The following MIB1 variants were observed in gnomAD, a reference collection of about 807,000 sequenced individuals.
MIB1 encodes the protein MIB E3 ubiquitin protein ligase 1.
In MIB1, 278 loss-of-function variants were observed where a neutral mutation model predicts 124.5. The ratio of observed to expected loss-of-function variants is 2.23; its 90% CI spans 2.02 to 2.47. MIB1 has a LOEUF of 2.47. MIB1 is among the 30% of genes most tolerant of loss of function. The pLI, the probability that MIB1 is intolerant of heterozygous loss-of-function variation, is 0.00. For missense variants in MIB1, 957 were observed against 1,254.4 expected, an observed-to-expected ratio of 0.76 and a Z score of 3.58; for synonymous variants, 446 against 429.4, an observed-to-expected ratio of 1.04 and a Z score of -0.48.
intron 1 of MIB1, among the ~76,000 whole-genome samples, chr18:21,747,534 C>T (rs931717001): frequency 3.3e-5 from 5 of 152,160 alleles, no homozygotes; most frequent in African/African-American, 1.2e-4. Flanking sequence ...CTGTTTTCTC[C>T]TTTTCCTTTC....
chr18:21,733,597 T>A (rs1316170808), intron 1 of MIB1, among the ~76,000 whole-genome samples: 3 of 152,224 alleles, frequency 2.0e-5, no homozygotes, highest in Non-Finnish European at 4.4e-5. Context: ...CTGTTAATAG[T>A]TGGTCCTCTT....
chr18:21,787,812 ACT>A (rs1305939858), intron 6 of MIB1, among the ~76,000 whole-genome samples: 1 of 138,316 alleles, frequency 7.2e-6, no homozygotes, highest in African/African-American at 2.7e-5. Flanking sequence ...GATTGTTTCT[ACT>A]CTGAGATTTT....
At position 21,768,735 on chromosome 18, in the gene MIB1, A is replaced by G. The variant is rs1420636214; in HGVS notation, c.514A>G (p.Asn172Asp). The G allele has an allele frequency of 1.9e-6, 3 of 1,610,806 alleles. No homozygotes were observed. The highest frequency in any genetic ancestry group is 2.5e-6 in the Non-Finnish European group (3 of 1,178,352). Residue 172 changes from asparagine (N) to aspartate (D), a missense_variant, in exon 3 of 21, where the codon AAT (asparagine) becomes GAT (aspartate). Transcript: ENST00000261537. ...DWQWEDQDGG[N>D]GRRGKVTEIQ... is the part of the protein sequence containing the mutation. Reference sequence around the variant, plus strand: ...GCAGTGGGAAGATCAAGATGGAGGAAATGGACGTAGGGGAAAGGTACAGTG... The same window carrying G: ...GCAGTGGGAAGATCAAGATGGAGGAGATGGACGTAGGGGAAAGGTACAGTG...
intron 1 of MIB1, among the ~76,000 whole-genome samples, chr18:21,757,170 T>C (rs1036018965): frequency 6.6e-6 from 1 of 151,878 alleles, no homozygotes; most frequent in Non-Finnish European, 1.5e-5. Flanking sequence ...GACAGTCTTT[T>C]AGGCCATGCG....
intron 18 of MIB1, chr18:21,854,626 A>G (rs28430959): frequency 0.015 from 2,424 of 166,576 alleles, 54 homozygotes; most frequent in African/African-American, 0.05. Context: ...TTTTTAATTA[A>G]AAAAGCTTCA....
chr18:21,739,224 A>G (rs1427979776), upstream of MIB1, among the ~76,000 whole-genome samples: 2 of 152,222 alleles, frequency 1.3e-5, no homozygotes, highest in East Asian at 3.8e-4. Context: ...ACACTCTCCC[A>G]AGACTAAACC....
chr18:21,838,394 C>T lies in MIB1; in HGVS notation c.1859C>T (p.Pro620Leu). The T allele has an allele frequency of 6.2e-7, 1 of 1,602,048 alleles. No homozygotes were observed. Among genetic ancestry groups the T allele is most frequent in the Non-Finnish European group, 8.5e-7 (1 of 1,173,234 alleles). ...ATGCGTGTTTTACTATCTAAATTAC[C>T]AAGACCATGGATTGTGGATGAGAAG... ...SAMRVLLSKLPRPWIVDEKKD... is the reference protein window; with the variant it reads ...SAMRVLLSKLLRPWIVDEKKD... Residue 620 changes from proline (P) to leucine (L), a missense_variant, in exon 13 of 21, where the codon CCA becomes CTA. Pro to Leu is a moderately conservative substitution (Grantham distance 98). Transcript: ENST00000261537.
chr18:21,721,408 C>T (rs1331921789), intron 1 of MIB1, among the ~76,000 whole-genome samples: 3 of 151,656 alleles, frequency 2.0e-5, no homozygotes, highest in African/African-American at 4.8e-5. Context: ...CTTGAACTCC[C>T]GATCTCAAGT....
chr18:21,711,905 G>C (rs1292483364), intron 1 of MIB1: 1 of 152,054 alleles, frequency 6.6e-6, no homozygotes. Context: ...TGTTGCCCAG[G>C]CTGGTCTCGA....
chr18:21,821,351 T>C (rs1315890257), intron 12 of MIB1, among the ~76,000 whole-genome samples: 1 of 152,226 alleles, frequency 6.6e-6, no homozygotes, highest in Admixed American at 6.5e-5. Context: ...CTGTGTGTCC[T>C]GAGTCTGTTT....
chr18:21,728,197 A>T (rs570530584), intron 1 of MIB1, among the ~76,000 whole-genome samples: 3 of 152,148 alleles, frequency 2.0e-5, no homozygotes, highest in Non-Finnish European at 4.4e-5. Context: ...TCTTGTCTTA[A>T]AAACCTATCC....
intron 17 of MIB1, among the ~76,000 whole-genome samples, chr18:21,850,854 T>C (rs2042173858): frequency 6.6e-6 from 1 of 152,182 alleles, no homozygotes; most frequent in Admixed American, 6.6e-5. Flanking sequence ...GAACAAAAAT[T>C]TAAGCCATTC....
intron 1 of MIB1, among the ~76,000 whole-genome samples, chr18:21,706,585 G>A (rs563317641): frequency 6.6e-6 from 1 of 152,328 alleles, no homozygotes; most frequent in East Asian, 1.9e-4. Context: ...CCGGGTGGGT[G>A]TGGGCTCGGC....
chr18:21,754,130 A>G (rs1319590515), intron 1 of MIB1, among the ~76,000 whole-genome samples: 2 of 152,210 alleles, frequency 1.3e-5, no homozygotes, highest in African/African-American at 4.8e-5. Flanking sequence ...CACTAGAGGG[A>G]GACTGGAAGG....
intron 1 of MIB1, among the ~76,000 whole-genome samples, chr18:21,755,414 C>G (rs1598593750): frequency 6.6e-6 from 1 of 151,846 alleles, no homozygotes; most frequent in African/African-American, 2.4e-5. Flanking sequence ...TCACTGCAAC[C>G]TCTGCCTCCC....
intron 1 of MIB1, among the ~76,000 whole-genome samples, chr18:21,764,262 T>C (rs1056327960): frequency 6.6e-6 from 1 of 152,152 alleles, no homozygotes; most frequent in African/African-American, 2.4e-5. Flanking sequence ...CCCTCCTTCC[T>C]GCCTTCCCTC....
At chr18:21,779,440 G>A in intron 5 of MIB1, 41 bp from the exon 6 acceptor site, 1 of 1,521,748 alleles carries the variant, frequency 6.6e-7, no homozygotes, top group Non-Finnish European at 9.1e-7. Flanking sequence ...GTTGTTGTGA[G>A]GTTTTTTTCT....
At position 21,744,798 on chromosome 18, in the gene MIB1, C is replaced by T. The variant is rs142102944; in HGVS notation, c.229+2986C>T. Among the ~76,000 whole-genome samples, 19 of 152,280 alleles carry T rather than the reference C, an allele frequency of 1.2e-4. 1 individual carries two copies. In the South Asian group the frequency reaches 2.7e-3, roughly 22 times the overall value. ...TGTTCGTATGTCTCATTAATTATAG[C>T]GTTAACTCGGCTAGGTCACCAGGAA... On this transcript the variant is annotated intron_variant, in intron 1 of 20. Transcript: ENST00000261537.
In MIB1 at chr18:21,753,485, C is replaced by G. The variant is rs1440407440; in HGVS notation, c.229+11673C>G. 2.6e-5 allele frequency among the ~76,000 whole-genome samples: 4 copies of G among 152,056 alleles called. No homozygotes were observed. In the East Asian group the frequency reaches 7.7e-4, roughly 29 times the overall value. On this transcript the variant is annotated intron_variant, in intron 1 of 20. Coordinates refer to ENST00000261537, the MANE Select transcript of MIB1 (RefSeq NM_020774.4). ...TTACAGTGTGAGCCATCATGCCCAG[C>G]CTGAAAATATTTTTTTTTGTTAAAT...
Sources: gnomAD v4.1 joint callset for allele counts (sites outside exome capture counted in the v4.1 genomes callset) on GRCh38, gnomAD v4.1.1 for gene constraint, MANE v1.5 for transcripts, NCBI Gene and HGNC (gene_info 2026-07-23, HGNC 2026-07-21) for gene names.